The following PLCXD3 variants were observed in gnomAD, a reference collection of about 807,000 sequenced individuals.
The protein encoded by PLCXD3 is PI-PLC X domain-containing protein 3.
Under a neutral mutation model 25.5 loss-of-function variants are expected in PLCXD3, and 19 were observed. The ratio of observed to expected loss-of-function variants is 0.75; its 90% confidence interval spans 0.52 to 1.09. PLCXD3 has a LOEUF of 1.09. PLCXD3 is among the 50% of genes least tolerant of loss of function. PLCXD3 has a pLI of 0.00. For synonymous variants in PLCXD3, 174 were observed against 137.6 expected, an observed-to-expected ratio of 1.26 and a Z score of -1.85; for missense variants, 411 against 388.1, an observed-to-expected ratio of 1.06 and a Z score of -0.50.
intron 1 of PLCXD3, among the ~76,000 whole-genome samples, chr5:41,474,221 G>A (rs911749029): frequency 6.6e-6 from 1 of 152,172 alleles, no homozygotes; most frequent in East Asian, 1.9e-4. Context: ...GGTAGAAAGG[G>A]CAGGGAGGAG....
At position 41,414,819 on chromosome 5, in the gene PLCXD3, A is replaced by G. The variant is rs318034; in HGVS notation, c.104-32285T>C. On this transcript the variant is annotated intron_variant, in intron 1 of 2. Coordinates refer to ENST00000377801, the MANE Select transcript of PLCXD3 (RefSeq NM_001005473.3). ...TGTCCAGTGTATTCACACAGTCTAC[A>G]CTACCCACTCCTTAGTCATTTAGAA... Among the ~76,000 whole-genome samples, 324 of 152,346 alleles carry G rather than the reference A, an allele frequency of 2.1e-3. 1 individual carries two copies. The highest frequency in any genetic ancestry group is 7.4e-3 in the African/African-American group (307 of 41,578).
chr5:41,361,323 A>G lies in PLCXD3; in HGVS notation c.812+20503T>C, dbSNP rs376382412. ...GCCCAGGGCTGAGAATTTGCCCCATACCATGAGCTTCCCTGCTGAGAAAGC... is the reference window on the plus strand; with the variant it reads ...GCCCAGGGCTGAGAATTTGCCCCATGCCATGAGCTTCCCTGCTGAGAAAGC... On this transcript the variant is annotated intron_variant, in intron 2 of 2. Transcript: ENST00000377801. 2.6e-5 allele frequency among the ~76,000 whole-genome samples: 4 copies of G among 152,172 alleles called. No individual in the cohort carries two copies. In the South Asian group the frequency reaches 6.2e-4, roughly 24 times the overall value.
intron 1 of PLCXD3, among the ~76,000 whole-genome samples, chr5:41,442,560 A>G (rs1032556397): frequency 6.6e-6 from 1 of 152,208 alleles, no homozygotes; most frequent in Non-Finnish European, 1.5e-5. Context: ...ATGAATGTGT[A>G]AATCACAAGA....
intron 1 of PLCXD3, among the ~76,000 whole-genome samples, chr5:41,419,836 G>C (rs1737545601): frequency 6.6e-6 from 1 of 152,050 alleles, no homozygotes; most frequent in African/African-American, 2.4e-5. Flanking sequence ...GATTAAATGA[G>C]GTAATACATG....
At chr5:41,506,506 C>T (rs1749054290) in intron 1 of PLCXD3, among the ~76,000 whole-genome samples, 1 of 152,162 alleles carries the variant, frequency 6.6e-6, no homozygotes, top group South Asian at 2.1e-4. Context: ...GAGAACTGCT[C>T]TTGTTTTGTT....
intron 2 of PLCXD3, among the ~76,000 whole-genome samples, chr5:41,351,226 C>A (rs1204047084): frequency 1.3e-5 from 2 of 151,964 alleles, no homozygotes; most frequent in Non-Finnish European, 2.9e-5. Flanking sequence ...TCACTAGGTC[C>A]CTCTGACATG....
At chr5:41,469,323 T>C (rs1317247118) in intron 1 of PLCXD3, among the ~76,000 whole-genome samples, 2 of 152,170 alleles carry the variant, frequency 1.3e-5, no homozygotes, top group African/African-American at 4.8e-5. Flanking sequence ...TCAAGGATAT[T>C]GGCCTATAAT....
intron 1 of PLCXD3, among the ~76,000 whole-genome samples, chr5:41,464,430 A>G (rs530776986): frequency 6.6e-6 from 1 of 152,132 alleles, no homozygotes; most frequent in African/African-American, 2.4e-5. Flanking sequence ...GAAAATAGAG[A>G]TCAGATAATA....
chr5:41,475,972 G>A (rs1237684463), intron 1 of PLCXD3, among the ~76,000 whole-genome samples: 1 of 152,226 alleles, frequency 6.6e-6, no homozygotes, highest in Non-Finnish European at 1.5e-5. Context: ...CAAGAGCAAG[G>A]AGGAGGAGGT....
chr5:41,380,471 T>C (rs1745422194), intron 2 of PLCXD3, among the ~76,000 whole-genome samples: 1 of 152,084 alleles, frequency 6.6e-6, no homozygotes, highest in South Asian at 2.1e-4. Flanking sequence ...AAAACACAGA[T>C]CATGTCAAGT....
At chr5:41,335,662 C>T (rs1267293315) in intron 2 of PLCXD3, among the ~76,000 whole-genome samples, 3 of 152,104 alleles carry the variant, frequency 2.0e-5, no homozygotes, top group African/African-American at 4.8e-5. Context: ...AACTGCTGGT[C>T]TCCATGGCAT....
At chr5:41,469,228 A>C (rs183147293) in intron 1 of PLCXD3, among the ~76,000 whole-genome samples, 1 of 152,322 alleles carries the variant, frequency 6.6e-6, no homozygotes, top group Non-Finnish European at 1.5e-5. Flanking sequence ...AATAAACACA[A>C]TATGATCATG....
Position 41,309,975 on chromosome 5 carries a change from A to T in PLCXD3, c.*3642T>A, listed in dbSNP as rs1743085206. ...TGATTAGAGTGCAGTTTCAACTTGAATAATAAGTATATGTGTGTGAAATGT... is the reference window on the plus strand; with the variant it reads ...TGATTAGAGTGCAGTTTCAACTTGATTAATAAGTATATGTGTGTGAAATGT... On this transcript the variant is annotated 3_prime_UTR_variant, in exon 3 of 3. Transcript: ENST00000377801. 6.6e-6 allele frequency: 1 copy of T among 152,150 alleles called. No individual in the cohort carries two copies. The highest frequency in any genetic ancestry group is 2.1e-4 in the South Asian group (1 of 4,834). 9.4% of individuals were successfully genotyped at this position (152,150 alleles called of 1,614,324 possible).
intron 2 of PLCXD3, among the ~76,000 whole-genome samples, chr5:41,363,137 G>T (rs1386679295): frequency 1.3e-5 from 2 of 152,208 alleles, no homozygotes; most frequent in African/African-American, 4.8e-5. Context: ...TACAGAGTTA[G>T]TCGGTACATG....
chr5:41,331,875 A>G (rs904622667), intron 2 of PLCXD3, among the ~76,000 whole-genome samples: 3 of 152,212 alleles, frequency 2.0e-5, no homozygotes, highest in Admixed American at 1.3e-4. Context: ...GATGCTGGGA[A>G]AACTGGCTAG....
chr5:41,395,722 C>T (rs1340187717), intron 1 of PLCXD3, among the ~76,000 whole-genome samples: 1 of 151,848 alleles, frequency 6.6e-6, no homozygotes, highest in Non-Finnish European at 1.5e-5. Flanking sequence ...TGGACAAATT[C>T]CTAGATACAT....
rs112639852 is a variant in PLCXD3, at chr5:41,442,580, G to A, written c.104-60046C>T. Among the ~76,000 whole-genome samples, 949 of 152,264 alleles carry A rather than the reference G, an allele frequency of 6.2e-3. 10 individuals carry two copies. Among genetic ancestry groups the A allele is most frequent in the African/African-American group, 0.021 (866 of 41,548 alleles). ...TGTGTAAATCACAAGACATTATTGA[G>A]GTGTTTTATGATTTACTTTAGCAGA... On this transcript the variant is annotated intron_variant, in intron 1 of 2. Transcript: ENST00000377801.
rs368166700 is a variant in PLCXD3 at position 41,489,129 on chromosome 5, G to C, written c.103+21295C>G. Among the ~76,000 whole-genome samples, 5 of 152,014 alleles carry C rather than the reference G, an allele frequency of 3.3e-5. No individual in the cohort carries two copies. In the East Asian group the frequency reaches 9.6e-4, roughly 29 times the overall value. ...GTATAAGGTGTAAGGAAGGGATCCA[G>C]TTTCAGCTTTCTACATATGGCTAGC... On this transcript the variant is annotated intron_variant, in intron 1 of 2. Transcript: ENST00000377801.
At chr5:41,345,584 T>C (rs1305230349) in intron 2 of PLCXD3, among the ~76,000 whole-genome samples, 6 of 152,030 alleles carry the variant, frequency 3.9e-5, no homozygotes, top group Non-Finnish European at 5.9e-5. Context: ...TAGTAGTGAA[T>C]AGAAAAAAAT....
Sources: gnomAD v4.1 joint callset for allele counts (sites outside exome capture counted in the v4.1 genomes callset) on GRCh38, gnomAD v4.1.1 for gene constraint, MANE v1.5 for transcripts, NCBI Gene and HGNC (gene_info 2026-07-23, HGNC 2026-07-21) for gene names.